Variants in HTR1E observed in about 807,000 individuals in gnomAD.
HTR1E encodes 5-HT-1E.
Under a neutral mutation model 3.4 loss-of-function variants are expected in HTR1E, and 3 were observed. That is an observed-to-expected ratio of 0.89 (90% CI 0.41 to 2.31). The LOEUF is 2.31. Among genes scored for constraint, HTR1E ranks in the 30% most tolerant of loss-of-function variants. The pLI is 0.05. For missense variants in HTR1E, 392 were observed against 467.0 expected, an observed-to-expected ratio of 0.84 and a Z score of 1.48; for synonymous variants, 170 against 182.8, an observed-to-expected ratio of 0.93 and a Z score of 0.56.
intron 1 of HTR1E, among the ~76,000 whole-genome samples, chr6:87,010,518 GGGCAGA>G (rs1768209369): frequency 6.8e-6 from 1 of 146,144 alleles, no homozygotes; most frequent in Admixed American, 6.8e-5. Flanking sequence ...TGGGGCGGCG[GGGCAGA>G]GGCGCTCCCC....
At chr6:86,998,275 T>C (rs2127829513) in intron 1 of HTR1E, among the ~76,000 whole-genome samples, 1 of 152,154 alleles carries the variant, frequency 6.6e-6, no homozygotes, top group African/African-American at 2.4e-5. Flanking sequence ...AATCACAGAA[T>C]ACACATTATT....
intron 1 of HTR1E, among the ~76,000 whole-genome samples, chr6:86,947,948 G>A (rs1258814073): frequency 1.3e-5 from 2 of 152,070 alleles, no homozygotes; most frequent in African/African-American, 2.4e-5. Flanking sequence ...CATGTGCCAC[G>A]GTGGTTCACT....
At chr6:87,014,254 TATAATAATAATAATA>T (rs200002987) in intron 1 of HTR1E, among the ~76,000 whole-genome samples, 52 of 143,832 alleles carry the variant, frequency 3.6e-4, no homozygotes, top group African/African-American at 1.1e-3. Context: ...GAACTTAAAG[TATAATAATAATAATA>T]ATAATAATAA....
rs1369130876 is a variant in HTR1E, at chr6:86,987,443, C to T, written c.-185-27707C>T. ...ACTAACTTATATTTCTCTAATGCTCCGTAATGTATAAGGAGCTTTATCAGC... is the reference window on the plus strand; with the variant it reads ...ACTAACTTATATTTCTCTAATGCTCTGTAATGTATAAGGAGCTTTATCAGC... On this transcript the variant is annotated intron_variant, in intron 1 of 1. Coordinates refer to ENST00000305344, the MANE Select transcript of HTR1E (RefSeq NM_000865.3). 3.3e-5 allele frequency among the ~76,000 whole-genome samples: 5 copies of T among 151,888 alleles called. No homozygotes were observed. The East Asian group carries it at 5.8e-4, about 18-fold the overall frequency.
chr6:86,942,472 A>T (rs1233497831), intron 1 of HTR1E, among the ~76,000 whole-genome samples: 1 of 152,194 alleles, frequency 6.6e-6, no homozygotes, highest in Non-Finnish European at 1.5e-5. Flanking sequence ...CTATCCTACC[A>T]TATAGTTCAT....
chr6:87,009,720 G>A (rs1272530385), intron 1 of HTR1E, among the ~76,000 whole-genome samples: 2 of 146,382 alleles, frequency 1.4e-5, no homozygotes, highest in African/African-American at 5.2e-5. Context: ...CCCGGACAGG[G>A]CGGCTGGCCG....
chr6:86,961,211 GTCAAATGGGATTTT>G (rs572747643), intron 1 of HTR1E, among the ~76,000 whole-genome samples: 4 of 152,190 alleles, frequency 2.6e-5, no homozygotes, highest in African/African-American at 9.6e-5. Flanking sequence ...TGCTATGGAA[GTCAAATGGGATTTT>G]TCATCTGTTT....
chr6:86,943,931 A>G (rs1184082348), intron 1 of HTR1E, among the ~76,000 whole-genome samples: 3 of 152,118 alleles, frequency 2.0e-5, no homozygotes, highest in African/African-American at 7.2e-5. Flanking sequence ...CAGGTCTGTC[A>G]CTCACAGGCT....
Position 86,964,490 on chromosome 6 carries a change from T to C in HTR1E, c.-186+26667T>C, listed in dbSNP as rs139482889. Among the ~76,000 whole-genome samples, 83 of 152,336 alleles carry C rather than the reference T, an allele frequency of 5.4e-4. 1 individual carries two copies. In the East Asian group the frequency reaches 0.012, roughly 22 times the overall value. On this transcript the variant is annotated intron_variant, in intron 1 of 1. Coordinates refer to ENST00000305344, the MANE Select transcript of HTR1E (RefSeq NM_000865.3). ...GAAAATGTGATAGCAGGTGATATAC[T>C]CATTTAGTGATATAGCAGAACTGTC...
chr6:87,008,477 A>G (rs1366055508), intron 1 of HTR1E, among the ~76,000 whole-genome samples: 1 of 152,204 alleles, frequency 6.6e-6, no homozygotes. Context: ...AAATGAGAAC[A>G]ATCAAAGAAG....
intron 1 of HTR1E, among the ~76,000 whole-genome samples, chr6:86,957,857 G>A (rs1457061538): frequency 6.6e-6 from 1 of 152,192 alleles, no homozygotes; most frequent in Non-Finnish European, 1.5e-5. Context: ...AAAGCCTACA[G>A]GAGCACAGTG....
At chr6:86,988,510 G>A (rs892440613) in intron 1 of HTR1E, among the ~76,000 whole-genome samples, 1 of 152,086 alleles carries the variant, frequency 6.6e-6, no homozygotes, top group Non-Finnish European at 1.5e-5. Context: ...GCAGAGGGCC[G>A]GATGACTCTT....
intron 1 of HTR1E, chr6:86,970,660 G>A (rs1445987559): frequency 6.2e-6 from 1 of 162,080 alleles, no homozygotes; most frequent in Non-Finnish European, 1.3e-5. Flanking sequence ...AGATTCGAAT[G>A]GCCAGAATGG....
intron 1 of HTR1E, among the ~76,000 whole-genome samples, chr6:86,980,034 A>T (rs1301585543): frequency 6.6e-6 from 1 of 152,156 alleles, no homozygotes; most frequent in Admixed American, 6.5e-5. Context: ...CCAAATCCAA[A>T]CAAGAGCTGA....
At chr6:86,993,029 C>G (rs977504341) in intron 1 of HTR1E, among the ~76,000 whole-genome samples, 1 of 152,064 alleles carries the variant, frequency 6.6e-6, no homozygotes, top group Non-Finnish European at 1.5e-5. Flanking sequence ...AGAGACCTCT[C>G]CATCCAATAG....
chr6:86,951,564 G>C (rs1344130603), intron 1 of HTR1E, among the ~76,000 whole-genome samples: 3 of 151,848 alleles, frequency 2.0e-5, no homozygotes, highest in South Asian at 2.1e-4. Flanking sequence ...TTACCACTAG[G>C]GAAAAAGACA....
At chr6:87,003,556 AAAG>A (rs1166220822) in intron 1 of HTR1E, among the ~76,000 whole-genome samples, 1 of 151,904 alleles carries the variant, frequency 6.6e-6, no homozygotes, top group African/African-American at 2.4e-5. Context: ...AAAAAAGAAA[AAAG>A]AAAGAAATTG....
At chr6:86,958,057 AT>A (rs1247030477) in intron 1 of HTR1E, among the ~76,000 whole-genome samples, 2,099 of 131,168 alleles carry the variant, frequency 0.016, 12 homozygotes, top group African/African-American at 0.041. Flanking sequence ...CAATAGAGGC[AT>A]TTTTTTTTTT....
chr6:87,007,894 A>T (rs1310999810), intron 1 of HTR1E, among the ~76,000 whole-genome samples: 1 of 152,138 alleles, frequency 6.6e-6, no homozygotes, highest in Admixed American at 6.5e-5. Flanking sequence ...AGATCATGCC[A>T]CTACACTCCA....
Sources: gnomAD v4.1 joint callset for allele counts (sites outside exome capture counted in the v4.1 genomes callset) on GRCh38, gnomAD v4.1.1 for gene constraint, MANE v1.5 for transcripts, NCBI Gene and HGNC (gene_info 2026-07-23, HGNC 2026-07-21) for gene names.